Variants in PKHD1L1 observed in about 807,000 individuals in gnomAD.
PKHD1L1 encodes the protein PKHD1 like 1.
In PKHD1L1, 434 loss-of-function variants were observed where a neutral mutation model predicts 462.9. The ratio of observed to expected loss-of-function variants is 0.94; its 90% CI spans 0.87 to 1.02. The LOEUF (loss-of-function observed/expected upper bound fraction) is 1.02. PKHD1L1 is among the 50% of genes least tolerant of loss of function. The pLI is 0.00. For synonymous variants in PKHD1L1, 1,781 were observed against 1,750.0 expected (o/e 1.02, Z -0.44); for missense variants, 5,202 against 5,096.1 (o/e 1.02, Z -0.63).
intron 65 of PKHD1L1, 114 bp downstream of exon 65, chr8:109,497,386 C>A: frequency 1.6e-6 from 2 of 1,259,068 alleles, no homozygotes; most frequent in Non-Finnish European, 1.1e-6. Context: ...CTCGCCCACA[C>A]CTCCCTGCCT....
Position 109,412,382 on chromosome 8 carries a change from T to C in PKHD1L1, c.2203T>C (p.Tyr735His), listed in dbSNP as rs532180094. ...AGATGTTAAACCAAACAGACGACCA[T>C]ATGGAGATATTTTATTGTTTCCTTA... The part of the protein sequence containing the change: ...SADVKPNRRP[Y>H]GDILLFPYNQ... Residue 735 changes from tyrosine (Y) to histidine (H), a missense_variant, in exon 20 of 78, where the codon TAT becomes CAT. Around this residue, in one of 3 missense-constraint regions of PKHD1L1, gnomAD observed 4,497 missense variants for 4,336.8 expected, o/e 1.04. Transcript: ENST00000378402. The C allele has an allele frequency of 6.2e-7, 1 of 1,613,252 alleles. No homozygotes were observed. Among genetic ancestry groups the C allele is most frequent in the East Asian group, 2.2e-5 (1 of 44,864 alleles).
In PKHD1L1 at chr8:109,491,934, G is replaced by A; in HGVS notation, c.10176G>A (p.Trp3392Ter). 1 of 1,604,362 alleles carries A rather than the reference G, an allele frequency of 6.2e-7. No homozygotes were observed. The highest frequency in any genetic ancestry group is 8.5e-7 in the Non-Finnish European group (1 of 1,173,748). Residue 3392 changes from tryptophan (W) to a stop codon, truncating the protein, a stop_gained, in exon 62 of 78, where the codon TGG becomes TGA. Transcript: ENST00000378402. LOFTEE classifies it high-confidence loss of function. ...VRGNLIALSV[W>*]PGTYQNRKDL... ...GGAATTTGATTGCACTTTCGGTTTG[G>A]CCAGGAACCTATCAGAACAGAAAAG...
chr8:109,464,002 C>A (rs1435413153), intron 48 of PKHD1L1, among the ~76,000 whole-genome samples: 1 of 152,034 alleles, frequency 6.6e-6, no homozygotes, highest in Non-Finnish European at 1.5e-5. Flanking sequence ...TTTTTACATT[C>A]TTTCATTCAT....
intron 2 of PKHD1L1, among the ~76,000 whole-genome samples, chr8:109,373,866 G>C (rs1434826736): frequency 6.6e-6 from 1 of 152,188 alleles, no homozygotes; most frequent in East Asian, 1.9e-4. Context: ...TGTGGTCTGA[G>C]ACAGTTTTTT....
chr8:109,442,091 C>G lies in PKHD1L1; in HGVS notation c.4289C>G (p.Pro1430Arg), dbSNP rs186176277. 6.2e-7 allele frequency: 1 copy of G among 1,613,214 alleles called. No individual in the cohort carries two copies. The highest frequency in any genetic ancestry group is 1.1e-5 in the South Asian group (1 of 91,048). Residue 1430 changes from proline (P) to arginine (R), a missense_variant, in exon 35 of 78, where the codon CCG (proline) becomes CGG (arginine). Pro to Arg is a moderately radical substitution (Grantham distance 103, BLOSUM62 -2). Transcript: ENST00000378402. ...DTVAWHWQTH[P>R]FLRGIGYRIF... Reference sequence around the variant, plus strand: ...GTGGCATGGCATTGGCAAACACATCCGTTTCTTAGAGGGATAGGATATAGG... The same window carrying G: ...GTGGCATGGCATTGGCAAACACATCGGTTTCTTAGAGGGATAGGATATAGG...
Position 109,430,030 on chromosome 8 carries a change from T to G in PKHD1L1, c.3222T>G (p.Pro1074=). The G allele has an allele frequency of 6.2e-7, 1 of 1,602,602 alleles. No homozygotes were observed. Among genetic ancestry groups the G allele is most frequent in the Non-Finnish European group, 8.5e-7 (1 of 1,175,456 alleles). ...CTCCCCTAGTCTTGGCGATAAGCCC[T>G]TCTCAAGGTAACTTCCTGATTTTTA... ...NITPLVLAIS[P]SQGSYEEGTI... Residue 1074 remains proline (P), a synonymous_variant, in exon 27 of 78, where the codon CCT becomes CCG. Transcript: ENST00000378402.
chr8:109,428,886 T>C (rs1366519596), intron 25 of PKHD1L1, among the ~76,000 whole-genome samples: 1 of 152,136 alleles, frequency 6.6e-6, no homozygotes, highest in Non-Finnish European at 1.5e-5. Flanking sequence ...AATTCCAAAA[T>C]TGGGTGAAAA....
chr8:109,439,617 A>C (rs1377446852), intron 32 of PKHD1L1, among the ~76,000 whole-genome samples: 1 of 152,152 alleles, frequency 6.6e-6, no homozygotes, highest in African/African-American at 2.4e-5. Flanking sequence ...CTGACAATTA[A>C]GCCAAGAAAT....
chr8:109,500,072 T>C (rs907594143), intron 67 of PKHD1L1, among the ~76,000 whole-genome samples: 7 of 152,176 alleles, frequency 4.6e-5, no homozygotes, highest in Non-Finnish European at 8.8e-5. Flanking sequence ...TTCAAAGAGA[T>C]GAGAGATGGG....
intron 38 of PKHD1L1, among the ~76,000 whole-genome samples, chr8:109,447,405 G>A (rs1405816139): frequency 1.3e-5 from 2 of 152,126 alleles, no homozygotes; most frequent in African/African-American, 2.4e-5. Flanking sequence ...AGGGCACTGC[G>A]TTTGTAAAAA....
chr8:109,505,803 G>A (rs748402101), intron 68 of PKHD1L1, among the ~76,000 whole-genome samples: 6 of 152,174 alleles, frequency 3.9e-5, no homozygotes, highest in African/African-American at 2.4e-5. Context: ...TACTCAGGAG[G>A]CTGAGGCAGG....
At chr8:109,499,646 A>G (rs560552650) in intron 67 of PKHD1L1, among the ~76,000 whole-genome samples, 2 of 152,230 alleles carry the variant, frequency 1.3e-5, no homozygotes, top group African/African-American at 4.8e-5. Context: ...AAGAACATTA[A>G]TAACTATTAT....
intron 4 of PKHD1L1, among the ~76,000 whole-genome samples, chr8:109,382,932 A>G (rs1812201336): frequency 6.7e-6 from 1 of 149,242 alleles, no homozygotes; most frequent in Non-Finnish European, 1.5e-5. Flanking sequence ...GTAATGAGAT[A>G]AAATGTGCCT....
chr8:109,432,607 C>A (rs574469956), intron 27 of PKHD1L1, among the ~76,000 whole-genome samples: 2 of 152,224 alleles, frequency 1.3e-5, no homozygotes, highest in East Asian at 1.9e-4. Flanking sequence ...AAGTTTAAGA[C>A]GCTGGAACAC....
intron 63 of PKHD1L1, 146 bp downstream of exon 63, chr8:109,493,897 G>A: frequency 1.9e-6 from 1 of 516,402 alleles, no homozygotes; most frequent in Non-Finnish European, 3.4e-6. Context: ...ATTATTTCAA[G>A]ATAACATTGG....
chr8:109,522,720 A>C (rs1820611993), intron 74 of PKHD1L1, 24 bp from the exon 75 acceptor site: 1 of 1,585,404 alleles, frequency 6.3e-7, no homozygotes, highest in South Asian at 1.2e-5. Flanking sequence ...TGAAGAAACC[A>C]GTTCATCCCT....
At position 109,420,517 on chromosome 8, in the gene PKHD1L1, G is replaced by A. The variant is rs748390707; in HGVS notation, c.2525-1G>A. ...CTAATATTTTTATTTATATTCTTTA[G>A]AAATGCCCAAGAGAAGACTTCCTGC... On this transcript the variant is annotated splice_acceptor_variant, in intron 22 of 77. Transcript: ENST00000378402. LOFTEE classifies it high-confidence loss of function. 1 of 1,554,596 alleles carries A rather than the reference G, an allele frequency of 6.4e-7. No homozygotes were observed. The highest frequency in any genetic ancestry group is 8.7e-7 in the Non-Finnish European group (1 of 1,154,758).
Position 109,507,738 on chromosome 8 carries a change from C to T in PKHD1L1, c.11070C>T (p.Gly3690=). The T allele has an allele frequency of 1.2e-6, 2 of 1,613,452 alleles. No individual in the cohort carries two copies. Among genetic ancestry groups the T allele is most frequent in the African/African-American group, 1.3e-5 (1 of 74,988 alleles). ...KRKSFLRDID[G]SFLGNAGSVI... The stretch of plus-strand genomic sequence containing the variant: ...AATCTTTTCTTAGAGACATAGATGG[C>T]TCCTTTCTGGGGAATGCTGGTTCTG... Residue 3690 remains glycine (G), a synonymous_variant, in exon 69 of 78, where the codon GGC becomes GGT. Transcript: ENST00000378402.
chr8:109,496,033 T>G (rs1422655307), intron 63 of PKHD1L1, among the ~76,000 whole-genome samples: 1 of 152,224 alleles, frequency 6.6e-6, no homozygotes, highest in Non-Finnish European at 1.5e-5. Context: ...TCTGAATTAA[T>G]CATTAAAACT....
Sources: allele counts gnomAD v4.1 joint callset (sites outside exome capture counted in the v4.1 genomes callset), GRCh38; gene constraint gnomAD v4.1.1; regional missense constraint gnomAD v4.1.1; transcripts MANE v1.5; gene names NCBI Gene and HGNC (gene_info 2026-07-23, HGNC 2026-07-21).